DPYS: variants seen among roughly 807,000 people sequenced by gnomAD.
DPYS encodes the protein dihydropyrimidine amidohydrolase.
Under a neutral mutation model 50.3 loss-of-function variants are expected in DPYS, and 39 were observed. The observed-to-expected ratio is 0.78, with a 90% CI of 0.60 to 1.01. The LOEUF (loss-of-function observed/expected upper bound fraction) is 1.01, where lower values mean the gene tolerates loss of function less well. Ranked by LOEUF, DPYS falls within the 50% of genes least tolerant of loss-of-function variation. The probability of loss-of-function intolerance (pLI) is 0.00; values close to 1 mark genes in which losing one functional copy is unlikely to be tolerated. For synonymous variants in DPYS, 245 were observed against 250.7 expected, an observed-to-expected ratio of 0.98 and a Z score of 0.22; for missense variants, 659 against 680.9, an observed-to-expected ratio of 0.97 and a Z score of 0.36.
intron 7 of DPYS, among the ~76,000 whole-genome samples, chr8:104,399,226 G>A (rs1021980615): frequency 1.4e-5 from 2 of 145,808 alleles, no homozygotes; most frequent in Non-Finnish European, 3.0e-5. Context: ...GGGGGGTGGA[G>A]GTTGCAGTGA....
At chr8:104,392,256 G>T (rs1359430717) in intron 8 of DPYS, among the ~76,000 whole-genome samples, 2 of 152,226 alleles carry the variant, frequency 1.3e-5, no homozygotes, top group Non-Finnish European at 2.9e-5. Context: ...GGCCTGGCCT[G>T]TAGCTGGGAG....
At chr8:104,461,603 A>G (rs1814172928) in intron 1 of DPYS, among the ~76,000 whole-genome samples, 1 of 152,216 alleles carries the variant, frequency 6.6e-6, no homozygotes, top group African/African-American at 2.4e-5. Flanking sequence ...CATGGAGAAG[A>G]TGAGAGCTGA....
intron 6 of DPYS, among the ~76,000 whole-genome samples, chr8:104,427,312 G>A (rs1812764641): frequency 6.9e-6 from 1 of 145,514 alleles, no homozygotes; most frequent in African/African-American, 2.6e-5. Flanking sequence ...GAGTCTCACT[G>A]TGTTGCCCCA....
chr8:104,395,612 T>C (rs1340385113), intron 7 of DPYS, among the ~76,000 whole-genome samples: 1 of 152,214 alleles, frequency 6.6e-6, no homozygotes, highest in African/African-American at 2.4e-5. Flanking sequence ...TTCATCCAAT[T>C]TGTTTTGTGT....
At position 104,450,380 on chromosome 8, in the gene DPYS, G is replaced by A. The variant is rs191171864; in HGVS notation, c.423+866C>T. ...TAGATTAACTTGCTGTCTAAAGCCC[G>A]AGTTTGTGGGGGATGTGAGATTATA... is the stretch of plus-strand genomic sequence containing the variant. On this transcript the variant is annotated intron_variant, in intron 2 of 9. Transcript: ENST00000351513. Among the ~76,000 whole-genome samples, 14 of 152,290 alleles carry A rather than the reference G, an allele frequency of 9.2e-5. No homozygotes were observed. In the East Asian group the frequency reaches 1.5e-3, roughly 17 times the overall value.
Position 104,444,576 on chromosome 8 carries a change from G to GTA in DPYS, c.604-141_604-140dup. ...GGTGTGTGTGTGTCTGTGTGTGTGT[G>GTA]TATATGAACATATTTGTGTAAATAT... On this transcript the variant is annotated intron_variant, in intron 3 of 9. Coordinates refer to ENST00000351513, the MANE Select transcript of DPYS (RefSeq NM_001385.3). The GTA allele has an allele frequency of 1.1e-5, 8 of 758,182 alleles. No individual in the cohort carries two copies. In the South Asian group the frequency reaches 1.4e-4, roughly 13 times the overall value. The allele number at this position is 758,182 out of a possible 1,614,324, so 47.0% of individuals were successfully genotyped here.
intron 8 of DPYS, among the ~76,000 whole-genome samples, chr8:104,390,622 T>A (rs143741329): frequency 6.6e-6 from 1 of 151,888 alleles, no homozygotes; most frequent in African/African-American, 2.4e-5. Flanking sequence ...CTCAGCCTCC[T>A]AAGTAGCTGG....
In DPYS at chr8:104,424,282, A is replaced by C; in HGVS notation, c.1200T>G (p.Asp400Glu). The change falls in exon 7 of 10, where the codon GAT becomes GAG. Residue 400 changes from aspartate (D) to glutamate (E), a missense_variant. Asp to Glu is a conservative substitution (Grantham distance 45). Coordinates refer to ENST00000351513, the MANE Select transcript of DPYS (RefSeq NM_001385.3). ...PRKGRIAVGS[D>E]ADIVIWDPKG... ...TTGGGTCCCAAATAACAATGTCAGC[A>C]TCTGATCCTACAGCTATTCTTCCTT... 1 of 1,614,178 alleles carries C rather than the reference A, an allele frequency of 6.2e-7. No homozygotes were observed. Among genetic ancestry groups the C allele is most frequent in the Non-Finnish European group, 8.5e-7 (1 of 1,180,010 alleles).
At chr8:104,388,382 A>G (rs1226406767) in intron 8 of DPYS, among the ~76,000 whole-genome samples, 1 of 152,252 alleles carries the variant, frequency 6.6e-6, no homozygotes, top group Non-Finnish European at 1.5e-5. Context: ...CTGAAAAAAA[A>G]AGAGAAAAAC....
rs1380401313 is a variant in DPYS, at chr8:104,428,139, CGA to C, written c.951-20_951-19del. The C allele has an allele frequency of 6.2e-7, 1 of 1,613,984 alleles. No homozygotes were observed. The highest frequency in any genetic ancestry group is 2.2e-5 in the East Asian group (1 of 44,896). On this transcript the variant is annotated intron_variant, in intron 5 of 9. Transcript: ENST00000351513. ...GATCATCACTGTAAAAGAAAAAACA[CGA>C]GAGTGATGGGGTGAGTATACAGAAT...
At chr8:104,393,315 T>G (rs1471422404) in intron 7 of DPYS, among the ~76,000 whole-genome samples, 1 of 152,226 alleles carries the variant, frequency 6.6e-6, no homozygotes, top group African/African-American at 2.4e-5. Flanking sequence ...TTTTTTCATT[T>G]TTAAATTATA....
chr8:104,432,056 T>C lies in DPYS; in HGVS notation c.794-2355A>G, dbSNP rs914459402. 3.3e-5 allele frequency among the ~76,000 whole-genome samples: 5 copies of C among 152,204 alleles called. No individual in the cohort carries two copies. In the South Asian group the frequency reaches 8.3e-4, roughly 25 times the overall value. On this transcript the variant is annotated intron_variant, in intron 4 of 9. Transcript: ENST00000351513. ...GCTCTATCTGTCTTCAGCCTGGTAC[T>C]ATCCTGATTACATTCACAACTGGAG...
intron 4 of DPYS, among the ~76,000 whole-genome samples, chr8:104,430,797 A>G (rs367753655): frequency 6.6e-6 from 1 of 152,180 alleles, no homozygotes; most frequent in African/African-American, 2.4e-5. Flanking sequence ...TAAGTAACCA[A>G]GTATCAATAA....
intron 1 of DPYS, among the ~76,000 whole-genome samples, chr8:104,464,614 A>G (rs963782979): frequency 3.3e-5 from 5 of 152,254 alleles, no homozygotes; most frequent in African/African-American, 1.2e-4. Context: ...AAGGGCTTGC[A>G]CTATGACTGA....
chr8:104,384,578 T>C lies in DPYS; in HGVS notation c.1444-3264A>G, dbSNP rs1588393670. On this transcript the variant is annotated intron_variant, in intron 8 of 9. Coordinates refer to ENST00000351513, the MANE Select transcript of DPYS (RefSeq NM_001385.3). The stretch of plus-strand genomic sequence containing the variant: ...CTCTCTAATGATGATGGCAAACCTC[T>C]GTCCGAAGTAGGAACTGCCCAGCCT... Among the ~76,000 whole-genome samples, 3 of 152,368 alleles carry C rather than the reference T, an allele frequency of 2.0e-5. No homozygotes were observed. In the South Asian group the frequency reaches 6.2e-4, roughly 32 times the overall value.
chr8:104,422,710 AG>A (rs1411128240), intron 7 of DPYS, among the ~76,000 whole-genome samples: 16 of 152,248 alleles, frequency 1.1e-4, no homozygotes, highest in African/African-American at 2.9e-4. Flanking sequence ...GAAAATTTCT[AG>A]GATTTCAGAT....
In DPYS at chr8:104,444,439, TA is replaced by T. The variant is rs1267310101; in HGVS notation, c.604-3del. 5 of 1,614,124 alleles carry T rather than the reference TA, an allele frequency of 3.1e-6. No homozygotes were observed. The highest frequency in any genetic ancestry group is 4.2e-6 in the Non-Finnish European group (5 of 1,180,004). On this transcript the variant is annotated splice_polypyrimidine_tract_variant and splice_region_variant and intron_variant, in intron 3 of 9. Transcript: ENST00000351513. ...CAGAGCCAACATCTTCTTTGCTCCCTAAAAAGACAGCAGGAATGTGTATATG... is the reference window on the plus strand; with the variant it reads ...CAGAGCCAACATCTTCTTTGCTCCCTAAAAGACAGCAGGAATGTGTATATG...
chr8:104,416,622 A>G (rs567202483), intron 7 of DPYS, among the ~76,000 whole-genome samples: 200 of 152,092 alleles, frequency 1.3e-3, no homozygotes, highest in African/African-American at 4.6e-3. Context: ...AACTGTTATG[A>G]GCAGGAACAC....
intron 8 of DPYS, among the ~76,000 whole-genome samples, chr8:104,391,179 T>G (rs1214885715): frequency 6.6e-6 from 1 of 152,166 alleles, no homozygotes; most frequent in Non-Finnish European, 1.5e-5. Context: ...TCTTGCATAA[T>G]GGACTCTGAG....
Sources: allele counts gnomAD v4.1 joint callset (sites outside exome capture counted in the v4.1 genomes callset), GRCh38; gene constraint gnomAD v4.1.1; transcripts MANE v1.5; gene names NCBI Gene and HGNC (gene_info 2026-07-23, HGNC 2026-07-21).